KIAA1549L: variants seen among roughly 807,000 people sequenced by gnomAD.
The protein encoded by KIAA1549L is KIAA1549 like.
KIAA1549L carries 88 observed loss-of-function variants against 160.7 expected under a neutral mutation model. The observed-to-expected ratio is 0.55, with a 90% CI of 0.46 to 0.65. KIAA1549L has a LOEUF of 0.65. KIAA1549L is among the 30% of genes least tolerant of loss of function. KIAA1549L has a pLI of 0.00. For missense variants in KIAA1549L, 2,258 were observed against 2,437.5 expected (o/e 0.93, Z 1.55); for synonymous variants, 950 against 976.7 (o/e 0.97, Z 0.51).
At chr11:33,662,245 T>C (rs2133449942) in intron 20 of KIAA1549L, among the ~76,000 whole-genome samples, 1 of 152,344 alleles carries the variant, frequency 6.6e-6, no homozygotes, top group African/African-American at 2.4e-5. Context: ...CTGACTTTGC[T>C]TCTAGTGGCC....
At chr11:33,469,753 A>G (rs1214746409) in intron 1 of KIAA1549L, among the ~76,000 whole-genome samples, 1 of 152,152 alleles carries the variant, frequency 6.6e-6, no homozygotes, top group East Asian at 1.9e-4. Flanking sequence ...TTTGATTTGT[A>G]TTTCCCTAAT....
Position 33,671,985 on chromosome 11 carries a change from A to T in KIAA1549L, c.*3831A>T, listed in dbSNP as rs369331918. 1 of 152,348 alleles carries T rather than the reference A, an allele frequency of 6.6e-6. No individual in the cohort carries two copies. The highest frequency in any genetic ancestry group is 2.1e-4 in the South Asian group (1 of 4,824). The allele number at this position is 152,348 out of a possible 1,614,324, so 9.4% of individuals were successfully genotyped here. On this transcript the variant is annotated 3_prime_UTR_variant, in exon 21 of 21. Coordinates refer to ENST00000658780, the MANE Select transcript of KIAA1549L (RefSeq NM_012194.3). ...TGTTGGAAATTAAATTCTGCCATTC[A>T]GTCCAACCTCAAAGGTGTTCCAGGC...
At chr11:33,471,617 G>A (rs979788289) in intron 1 of KIAA1549L, among the ~76,000 whole-genome samples, 3 of 152,190 alleles carry the variant, frequency 2.0e-5, no homozygotes, top group Non-Finnish European at 4.4e-5. Context: ...AGCCTAATGA[G>A]CTCATCAGAG....
Position 33,544,271 on chromosome 11 carries a change from C to A in KIAA1549L, c.2708C>A (p.Thr903Asn), listed in dbSNP as rs377118017. The A allele has an allele frequency of 1.2e-6, 2 of 1,613,902 alleles. No homozygotes were observed. Among genetic ancestry groups the A allele is most frequent in the Non-Finnish European group, 1.7e-6 (2 of 1,179,910 alleles). The change falls in exon 2 of 21, where the codon ACC (threonine) becomes AAC (asparagine). Residue 903 changes from threonine (T) to asparagine (N), a missense_variant. Thr to Asn is a moderately conservative substitution (Grantham distance 65). Around this residue, in one of 6 missense-constraint regions of KIAA1549L, gnomAD observed 287 missense variants for 292.3 expected, o/e 0.98. Transcript: ENST00000658780. ...TCTGCTGCTGAATCTTCTATATCGA[C>A]CAGTGTCTTTCCCAGGACCTCCTCC... ...YHSAAESSIS[T>N]SVFPRTSSRV...
chr11:33,391,713 T>G (rs11032255), intron 1 of KIAA1549L, among the ~76,000 whole-genome samples: 5,031 of 152,290 alleles, frequency 0.033, 267 homozygotes, highest in African/African-American at 0.11. Flanking sequence ...CGGGTCGTGT[T>G]GGTCACTGGG....
In KIAA1549L at chr11:33,449,122, T is replaced by C. The variant is rs181593132; in HGVS notation, c.238+72233T>C. On this transcript the variant is annotated intron_variant, in intron 1 of 20. Coordinates refer to ENST00000658780, the MANE Select transcript of KIAA1549L (RefSeq NM_012194.3). The stretch of plus-strand genomic sequence containing the variant: ...TTTGGGTATTGGGACTGTGGATATG[T>C]TTTTCTTCCTTCTAATTTTCAGTTT... Among the ~76,000 whole-genome samples the C allele has an allele frequency of 7.7e-4, 118 of 152,310 alleles. 1 individual carries two copies. The East Asian group carries it at 0.019, about 24-fold the overall frequency.
intron 1 of KIAA1549L, among the ~76,000 whole-genome samples, chr11:33,377,721 C>G (rs1400313919): frequency 2.0e-5 from 3 of 152,186 alleles, no homozygotes; most frequent in African/African-American, 7.2e-5. Context: ...ATATTTCTCA[C>G]TTCAGATAAT....
At chr11:33,597,134 C>T (rs187921695) in intron 12 of KIAA1549L, among the ~76,000 whole-genome samples, 2 of 152,286 alleles carry the variant, frequency 1.3e-5, no homozygotes, top group African/African-American at 4.8e-5. Flanking sequence ...CTCTCTGTGA[C>T]AGAACTGATC....
chr11:33,457,403 C>T (rs1235295691), intron 1 of KIAA1549L, among the ~76,000 whole-genome samples: 6 of 152,194 alleles, frequency 3.9e-5, no homozygotes, highest in African/African-American at 1.4e-4. Flanking sequence ...AACCCTGAGA[C>T]CACAGCAAAT....
In KIAA1549L at chr11:33,545,030, G is replaced by C; in HGVS notation, c.3037G>C (p.Ala1013Pro). The C allele has an allele frequency of 6.2e-7, 1 of 1,614,026 alleles. No individual in the cohort carries two copies. The highest frequency in any genetic ancestry group is 8.5e-7 in the Non-Finnish European group (1 of 1,179,896). The change falls in exon 3 of 21, where the codon GCA (alanine) becomes CCA (proline). Residue 1013 changes from alanine (A) to proline (P), a missense_variant. Ala to Pro is a conservative substitution (Grantham distance 27). Around this residue, in one of 6 missense-constraint regions of KIAA1549L, gnomAD observed 1,359 missense variants for 1,546.6 expected, o/e 0.88. Coordinates refer to ENST00000658780, the MANE Select transcript of KIAA1549L (RefSeq NM_012194.3). ...CCCATTCACACCAACCTACATGTATGCAAGAACAGGACATACCACGAGCAC... is the reference window on the plus strand; with the variant it reads ...CCCATTCACACCAACCTACATGTATCCAAGAACAGGACATACCACGAGCAC... ...AFPFTPTYMYARTGHTTSTHT... is the reference protein window; with the variant it reads ...AFPFTPTYMYPRTGHTTSTHT...
At chr11:33,664,829 C>A (rs775763868) in intron 20 of KIAA1549L, among the ~76,000 whole-genome samples, 1 of 152,216 alleles carries the variant, frequency 6.6e-6, no homozygotes, top group Non-Finnish European at 1.5e-5. Flanking sequence ...TTCAGCATAG[C>A]AGCCAGAACA....
chr11:33,487,157 T>C (rs1268124292), intron 1 of KIAA1549L, among the ~76,000 whole-genome samples: 1 of 152,216 alleles, frequency 6.6e-6, no homozygotes, highest in Non-Finnish European at 1.5e-5. Flanking sequence ...TTTTGTTAGA[T>C]GTCAAACTTT....
At chr11:33,547,479 C>T (rs938288843) in intron 3 of KIAA1549L, among the ~76,000 whole-genome samples, 1 of 152,294 alleles carries the variant, frequency 6.6e-6, no homozygotes, top group African/African-American at 2.4e-5. Flanking sequence ...CATGCACTGT[C>T]GAGCCGGCTT....
chr11:33,465,925 T>C (rs1852048022), intron 1 of KIAA1549L, among the ~76,000 whole-genome samples: 1 of 152,204 alleles, frequency 6.6e-6, no homozygotes, highest in South Asian at 2.1e-4. Flanking sequence ...ATTCAGGACA[T>C]AGGCATGGAC....
At chr11:33,589,682 G>A (rs1367697777) in intron 11 of KIAA1549L, among the ~76,000 whole-genome samples, 1 of 150,226 alleles carries the variant, frequency 6.7e-6, no homozygotes, top group Non-Finnish European at 1.5e-5. Flanking sequence ...AGCACCGCAT[G>A]TTCTCACTCA....
chr11:33,437,895 G>A (rs1851412632), intron 1 of KIAA1549L, among the ~76,000 whole-genome samples: 1 of 152,154 alleles, frequency 6.6e-6, no homozygotes, highest in African/African-American at 2.4e-5. Context: ...GCCCAGACCA[G>A]ATAAGGGGAC....
At chr11:33,415,342 C>T (rs915626220) in intron 1 of KIAA1549L, among the ~76,000 whole-genome samples, 6 of 152,184 alleles carry the variant, frequency 3.9e-5, no homozygotes, top group Middle Eastern at 3.4e-3. Context: ...TTTTCAGAGT[C>T]CTTAATATTC....
At chr11:33,571,341 A>AC (rs1265994921) in intron 9 of KIAA1549L, among the ~76,000 whole-genome samples, 2 of 152,224 alleles carry the variant, frequency 1.3e-5, no homozygotes, top group Non-Finnish European at 2.9e-5. Flanking sequence ...GGACAAGGAC[A>AC]CACAGGTGAA....
intron 18 of KIAA1549L, among the ~76,000 whole-genome samples, chr11:33,656,897 G>C (rs1318236541): frequency 6.6e-6 from 1 of 152,160 alleles, no homozygotes; most frequent in Non-Finnish European, 1.5e-5. Context: ...GCCGAGCCTG[G>C]GTGGAAAGCA....
Sources: allele counts gnomAD v4.1 joint callset (sites outside exome capture counted in the v4.1 genomes callset), GRCh38; gene constraint gnomAD v4.1.1; regional missense constraint gnomAD v4.1.1; transcripts MANE v1.5; gene names NCBI Gene and HGNC (gene_info 2026-07-23, HGNC 2026-07-21).